PLCL2: variants seen among roughly 807,000 people sequenced by gnomAD.
PLCL2 encodes the protein phospholipase C like 2, also known as inactive phospholipase C-like protein 2.
PLCL2 carries 4 observed loss-of-function variants against 79.6 expected under a neutral mutation model. The ratio of observed to expected loss-of-function variants is 0.05; its 90% CI spans 0.02 to 0.11. The LOEUF is 0.11. PLCL2 is among the 10% of genes least tolerant of loss of function. The pLI is 1.00. For missense variants in PLCL2, 895 were observed against 1,291.0 expected, an observed-to-expected ratio of 0.69 and a Z score of 4.70; for synonymous variants, 484 against 457.7, an observed-to-expected ratio of 1.06 and a Z score of -0.73.
At chr3:17,069,126 T>A (rs2065037872) in intron 5 of PLCL2, among the ~76,000 whole-genome samples, 1 of 152,214 alleles carries the variant, frequency 6.6e-6, no homozygotes, top group South Asian at 2.1e-4. Flanking sequence ...GGAGGATGAT[T>A]ACCTAACAAC....
chr3:17,002,820 A>T (rs2064224151), intron 1 of PLCL2, among the ~76,000 whole-genome samples: 1 of 151,750 alleles, frequency 6.6e-6, no homozygotes, highest in Non-Finnish European at 1.5e-5. Context: ...TTTCATTTGG[A>T]TAATTTCTAT....
At chr3:17,084,009 T>A (rs1481193023) in intron 5 of PLCL2, among the ~76,000 whole-genome samples, 2 of 152,124 alleles carry the variant, frequency 1.3e-5, no homozygotes, top group South Asian at 4.1e-4. Flanking sequence ...CAAAAGCTAG[T>A]CCTTTGAAAA....
intron 1 of PLCL2, among the ~76,000 whole-genome samples, chr3:16,932,591 A>C (rs1170618412): frequency 6.6e-6 from 1 of 152,194 alleles, no homozygotes; most frequent in Non-Finnish European, 1.5e-5. Context: ...ATTTCTGCTG[A>C]ATTTTCTCTC....
intron 3 of PLCL2, among the ~76,000 whole-genome samples, chr3:17,017,598 A>G (rs1437422364): frequency 1.3e-5 from 2 of 152,182 alleles, no homozygotes; most frequent in Admixed American, 6.5e-5. Flanking sequence ...CCCCAAAATT[A>G]ACCTTAGAAA....
intron 2 of PLCL2, among the ~76,000 whole-genome samples, chr3:17,014,342 T>C (rs758453287): frequency 2.4e-4 from 36 of 152,238 alleles, no homozygotes; most frequent in Non-Finnish European, 3.5e-4. Flanking sequence ...TGATTTTTTT[T>C]TCTCCTAAAT....
chr3:16,989,857 T>A (rs1179906176), intron 1 of PLCL2, among the ~76,000 whole-genome samples: 1 of 152,224 alleles, frequency 6.6e-6, no homozygotes, highest in Non-Finnish European at 1.5e-5. Flanking sequence ...AGCGTAGTTT[T>A]TTTTTCACTG....
At chr3:17,065,588 A>G (rs976325808) in intron 4 of PLCL2, among the ~76,000 whole-genome samples, 2 of 152,238 alleles carry the variant, frequency 1.3e-5, no homozygotes, top group African/African-American at 4.8e-5. Context: ...CACCATAAAC[A>G]GTCTGCCCCT....
At chr3:17,017,853 T>C (rs1051360328) in intron 3 of PLCL2, among the ~76,000 whole-genome samples, 1 of 152,192 alleles carries the variant, frequency 6.6e-6, no homozygotes, top group African/African-American at 2.4e-5. Flanking sequence ...ATTTCAGAAG[T>C]GTGCTAGTTT....
chr3:16,990,975 G>GA (rs2064099080), intron 1 of PLCL2, among the ~76,000 whole-genome samples: 1 of 152,230 alleles, frequency 6.6e-6, no homozygotes, highest in African/African-American at 2.4e-5. Flanking sequence ...GGGAGCAGGT[G>GA]ATGGGGCTTT....
intron 3 of PLCL2, among the ~76,000 whole-genome samples, chr3:17,036,714 T>G (rs2064660092): frequency 6.6e-6 from 1 of 152,192 alleles, no homozygotes; most frequent in African/African-American, 2.4e-5. Flanking sequence ...CGTTGAGCTT[T>G]AAGAGGCTGT....
At chr3:17,006,458 C>T (rs1350632817) in intron 1 of PLCL2, among the ~76,000 whole-genome samples, 1 of 152,220 alleles carries the variant, frequency 6.6e-6, no homozygotes, top group African/African-American at 2.4e-5. Context: ...CTGGTCCACC[C>T]ATTAAGGAGT....
At chr3:16,927,683 C>G (rs553385352) in intron 1 of PLCL2, among the ~76,000 whole-genome samples, 49 of 152,300 alleles carry the variant, frequency 3.2e-4, no homozygotes, top group African/African-American at 1.1e-3. Flanking sequence ...GCTCTACCCA[C>G]TAGATGTCAG....
intron 1 of PLCL2, among the ~76,000 whole-genome samples, chr3:17,004,050 T>C (rs1433646009): frequency 6.6e-6 from 1 of 152,232 alleles, no homozygotes; most frequent in Non-Finnish European, 1.5e-5. Flanking sequence ...TGGCCACATC[T>C]TCTTCCCACG....
At chr3:16,899,835 C>CG (rs1382994519) in intron 1 of PLCL2, among the ~76,000 whole-genome samples, 1 of 149,514 alleles carries the variant, frequency 6.7e-6, no homozygotes, top group Non-Finnish European at 1.5e-5. Context: ...TCCCCCCCGC[C>CG]GCCCCCCGTC....
chr3:16,983,522 T>A (rs1277405562), intron 1 of PLCL2, among the ~76,000 whole-genome samples: 1 of 152,044 alleles, frequency 6.6e-6, no homozygotes, highest in African/African-American at 2.4e-5. Flanking sequence ...TACAAAAAAT[T>A]AGTTGGGCGT....
intron 1 of PLCL2, among the ~76,000 whole-genome samples, chr3:16,905,763 A>AGGT (rs1696735720): frequency 2.0e-5 from 3 of 152,218 alleles, no homozygotes; most frequent in Admixed American, 2.0e-4. Flanking sequence ...GCTCTAGCTC[A>AGGT]CTGTTTAGAC....
chr3:16,974,286 A>T (rs776620558), intron 1 of PLCL2, among the ~76,000 whole-genome samples: 3 of 152,144 alleles, frequency 2.0e-5, no homozygotes, highest in Admixed American at 6.6e-5. Flanking sequence ...CTGCAGTGGA[A>T]AGTGGACTAG....
chr3:17,090,318 T>G lies in PLCL2; in HGVS notation c.*406T>G. 1.1e-6 allele frequency: 1 copy of G among 924,530 alleles called. No individual in the cohort carries two copies. The highest frequency in any genetic ancestry group is 1.3e-6 in the Non-Finnish European group (1 of 774,118). 57.3% of individuals were successfully genotyped at this position (924,530 alleles called of 1,614,324 possible). A position where few individuals can be genotyped will look rare whatever the true frequency, so the allele number is the denominator to read the frequency against. On this transcript the variant is annotated 3_prime_UTR_variant, in exon 6 of 6. Coordinates refer to ENST00000615277, the MANE Select transcript of PLCL2 (RefSeq NM_001144382.2). ...TCTACACATTTTTACTTATATGGGG[T>G]TGCCAGAGTCTCTGGGTTCTAGATG...
intron 3 of PLCL2, chr3:17,042,616 C>T: frequency 3.2e-6 from 1 of 309,860 alleles, no homozygotes; most frequent in Non-Finnish European, 6.1e-6. Flanking sequence ...TATATTAGCT[C>T]AGGGTTCAAG....
Sources: allele counts gnomAD v4.1 joint callset (sites outside exome capture counted in the v4.1 genomes callset), GRCh38; gene constraint gnomAD v4.1.1; transcripts MANE v1.5; gene names NCBI Gene and HGNC (gene_info 2026-07-23, HGNC 2026-07-21).